The following CELF2 variants were observed in gnomAD, a reference collection of about 807,000 sequenced individuals.
CELF2 encodes the protein CUGBP Elav-like family member 2.
In CELF2, 8 loss-of-function variants were observed where a neutral mutation model predicts 62.6. The observed-to-expected ratio is 0.13, with a 90% CI of 0.07 to 0.23. CELF2 has a LOEUF of 0.23. CELF2 is among the 10% of genes least tolerant of loss of function. The probability of loss-of-function intolerance (pLI) is 1.00; values close to 1 mark genes in which losing one functional copy is unlikely to be tolerated. For synonymous variants in CELF2, 258 were observed against 250.0 expected, an observed-to-expected ratio of 1.03 and a Z score of -0.30; for missense variants, 333 against 671.0, an observed-to-expected ratio of 0.50 and a Z score of 5.56.
chr10:10,560,524 A>G, the CELF2 span, among the ~76,000 whole-genome samples: 6 of 152,088 alleles, frequency 3.9e-5, no homozygotes, highest in Admixed American at 2.6e-4. Context: ...GGTTCCCTCC[A>G]CTTGTAAGGA....
the CELF2 span, among the ~76,000 whole-genome samples, chr10:10,665,699 T>C: frequency 6.6e-6 from 1 of 152,156 alleles, no homozygotes; most frequent in African/African-American, 2.4e-5. Context: ...TAAAAGAAGG[T>C]TGATGCTATA....
At position 11,211,813 on chromosome 10, in the gene CELF2, A is replaced by AGTGTGCGT. The variant is rs1554956938; in HGVS notation, c.272-5607_272-5606insCGTGTGTG. Among the ~76,000 whole-genome samples the AGTGTGCGT allele has an allele frequency of 5.6e-5, 5 of 89,256 alleles. No individual in the cohort carries two copies. The highest frequency in any genetic ancestry group is 2.4e-4 in the African/African-American group (5 of 21,122). 58.6% of individuals were successfully genotyped at this position (89,256 alleles called of 152,430 possible). ...GTGTGAGAGAGAGAGAGAGAGAGAG[A>AGTGTGCGT]GTGTGTGTGTGTGTGTGTGTGTGTG... On this transcript the variant is annotated intron_variant, in intron 2 of 12. Coordinates refer to ENST00000633077, the MANE Select transcript of CELF2 (RefSeq NM_001326342.2). The surrounding 1 kb of genome is among the most constrained non-coding windows in gnomAD (Gnocchi z 4.8).
At chr10:10,854,527 A>G (rs1394541845) in intron 1 of CELF2, among the ~76,000 whole-genome samples, 1 of 152,182 alleles carries the variant, frequency 6.6e-6, no homozygotes, top group African/African-American at 2.4e-5. Flanking sequence ...CGGGATCCAA[A>G]AATAATTATT....
the CELF2 span, among the ~76,000 whole-genome samples, chr10:10,564,847 A>G: frequency 6.6e-6 from 1 of 152,122 alleles, no homozygotes; most frequent in African/African-American, 2.4e-5. Flanking sequence ...TCCAGAAGAA[A>G]TCACTAGTCA....
the CELF2 span, among the ~76,000 whole-genome samples, chr10:10,618,348 C>G: frequency 1.3e-5 from 2 of 152,114 alleles, no homozygotes; most frequent in African/African-American, 2.4e-5. Context: ...CTCCATGCCT[C>G]TCCTTGAAAG....
the CELF2 span, among the ~76,000 whole-genome samples, chr10:10,541,242 CAAAAA>C: frequency 2.7e-5 from 3 of 112,960 alleles, no homozygotes; most frequent in Non-Finnish European, 3.5e-5. Context: ...GACCCCATCT[CAAAAA>C]AAAAAAAAAA....
chr10:11,322,924 G>A (rs1014624157), intron 11 of CELF2, among the ~76,000 whole-genome samples: 5 of 151,882 alleles, frequency 3.3e-5, no homozygotes, highest in South Asian at 2.1e-4. Context: ...ACAAATGAGG[G>A]CAGAGAGCAG....
the CELF2 span, among the ~76,000 whole-genome samples, chr10:10,692,298 T>G: frequency 6.6e-6 from 1 of 151,744 alleles, no homozygotes. Context: ...TTCTCAGGTT[T>G]CTCAAAGATC....
chr10:10,599,793 A>G, the CELF2 span, among the ~76,000 whole-genome samples: 4 of 142,050 alleles, frequency 2.8e-5, no homozygotes, highest in Non-Finnish European at 4.5e-5. Flanking sequence ...GTGCAGTGGC[A>G]CGATCTCGGC....
chr10:10,619,698 C>T, the CELF2 span, among the ~76,000 whole-genome samples: 3 of 152,140 alleles, frequency 2.0e-5, no homozygotes, highest in East Asian at 3.8e-4. Flanking sequence ...CAGAAAACGT[C>T]GTATTATCAA....
the CELF2 span, among the ~76,000 whole-genome samples, chr10:10,492,004 C>T: frequency 6.6e-6 from 1 of 152,086 alleles, no homozygotes; most frequent in Non-Finnish European, 1.5e-5. Flanking sequence ...CTCTTCCTCC[C>T]GTCCTCTCAC....
chr10:11,255,178 G>C lies in CELF2; in HGVS notation c.404-2560G>C, dbSNP rs190425786. 7.3e-3 allele frequency among the ~76,000 whole-genome samples: 1,119 copies of C among 152,320 alleles called. 14 individuals are homozygous for C. Among genetic ancestry groups the C allele is most frequent in the African/African-American group, 0.025 (1,059 of 41,560 alleles). On this transcript the variant is annotated intron_variant, in intron 4 of 12. Transcript: ENST00000633077. This position sits in a 1 kb window ranked among gnomAD's most constrained non-coding sequence, Gnocchi z 5.5. ...CATGCTACTTTGCCTTCTCTGAAGG[G>C]AGGAAAAAGAACTTGAATTAGAAGT...
chr10:10,750,144 T>C, the CELF2 span, among the ~76,000 whole-genome samples: 1 of 151,914 alleles, frequency 6.6e-6, no homozygotes, highest in African/African-American at 2.4e-5. Flanking sequence ...TAGCCGAGGG[T>C]GATGGCACGT....
chr10:10,500,596 G>A, the CELF2 span, among the ~76,000 whole-genome samples: 1 of 152,176 alleles, frequency 6.6e-6, no homozygotes, highest in Non-Finnish European at 1.5e-5. Flanking sequence ...CCAGCCACAT[G>A]GAACTGTGAG....
At chr10:11,058,413 C>T (rs1024865971) in intron 1 of CELF2, among the ~76,000 whole-genome samples, 4 of 150,126 alleles carry the variant, frequency 2.7e-5, no homozygotes, top group Non-Finnish European at 5.9e-5. Context: ...TATTTTTCAA[C>T]AACCTATAAA....
At chr10:10,879,226 G>A (rs969377067) in intron 1 of CELF2, among the ~76,000 whole-genome samples, 7 of 152,202 alleles carry the variant, frequency 4.6e-5, no homozygotes, top group African/African-American at 1.7e-4. Context: ...CCTGGTGAAT[G>A]CAATTCATTG....
chr10:11,083,574 C>T (rs1048471255), intron 1 of CELF2, among the ~76,000 whole-genome samples: 1 of 152,182 alleles, frequency 6.6e-6, no homozygotes, highest in Non-Finnish European at 1.5e-5. Flanking sequence ...TCTCTAGAAC[C>T]TCAGTTCAGC....
chr10:11,128,183 A>G (rs1423041798), intron 1 of CELF2, among the ~76,000 whole-genome samples: 1 of 152,162 alleles, frequency 6.6e-6, no homozygotes, highest in Non-Finnish European at 1.5e-5. Flanking sequence ...CAAAGATCAG[A>G]TGATTGTAGA....
chr10:10,541,594 C>A, the CELF2 span, among the ~76,000 whole-genome samples: 2 of 152,110 alleles, frequency 1.3e-5, no homozygotes, highest in Non-Finnish European at 2.9e-5. Flanking sequence ...ACTTTTAGAC[C>A]ATATAGGATA....
Sources: gnomAD v4.1 joint callset for allele counts (sites outside exome capture counted in the v4.1 genomes callset) on GRCh38, gnomAD v4.1.1 for gene constraint, Gnocchi (gnomAD v3.1) non-coding constraint, MANE v1.5 for transcripts, NCBI Gene and HGNC (gene_info 2026-07-23, HGNC 2026-07-21) for gene names.